Variants in FSTL5 observed in about 807,000 individuals in gnomAD.
FSTL5 encodes the protein follistatin like 5.
FSTL5 carries 62 observed loss-of-function variants against 89.1 expected under a neutral mutation model. The ratio of observed to expected loss-of-function variants is 0.70; its 90% CI spans 0.57 to 0.86. FSTL5 has a LOEUF of 0.86. Among genes scored for constraint, FSTL5 ranks in the 40% least tolerant of loss-of-function variants. The probability of loss-of-function intolerance (pLI) is 0.00; values close to 1 mark genes in which losing one functional copy is unlikely to be tolerated. For missense variants in FSTL5, 1,057 were observed against 1,001.6 expected, an observed-to-expected ratio of 1.06 and a Z score of -0.75; for synonymous variants, 383 against 346.2, an observed-to-expected ratio of 1.11 and a Z score of -1.18.
At chr4:162,137,252 T>C (rs2111471003) in intron 1 of FSTL5, among the ~76,000 whole-genome samples, 1 of 152,228 alleles carries the variant, frequency 6.6e-6, no homozygotes, top group Non-Finnish European at 1.5e-5. Context: ...GCACATTTAA[T>C]AGTTTATTAA....
intron 3 of FSTL5, among the ~76,000 whole-genome samples, chr4:161,992,861 AATATATATATATATAT>A (rs1214124720): frequency 1.6e-3 from 119 of 76,254 alleles, no homozygotes; most frequent in Middle Eastern, 0.01. Flanking sequence ...AAAAAAAAAA[AATATATATATATATAT>A]ATATATATAT....
intron 2 of FSTL5, among the ~76,000 whole-genome samples, chr4:162,084,307 T>C (rs1157887932): frequency 6.6e-6 from 1 of 151,950 alleles, no homozygotes; most frequent in African/African-American, 2.4e-5. Context: ...TATATTGCAA[T>C]TTAATTTATG....
At chr4:161,814,286 C>T (rs184904686) in intron 4 of FSTL5, among the ~76,000 whole-genome samples, 3 of 152,230 alleles carry the variant, frequency 2.0e-5, no homozygotes, top group African/African-American at 7.2e-5. Flanking sequence ...CCTTGGGTCT[C>T]AGGTCAAGTT....
intron 3 of FSTL5, among the ~76,000 whole-genome samples, chr4:161,961,322 G>A (rs1735168788): frequency 6.6e-6 from 1 of 151,914 alleles, no homozygotes; most frequent in African/African-American, 2.4e-5. Flanking sequence ...AAGTTGCCCA[G>A]GCTGGTCTCC....
chr4:161,874,141 A>C (rs1579159951), intron 4 of FSTL5, among the ~76,000 whole-genome samples: 1 of 152,078 alleles, frequency 6.6e-6, no homozygotes, highest in East Asian at 1.9e-4. Flanking sequence ...GGTGCTGTTT[A>C]ATTTAGTCTC....
rs73861080 is a variant in FSTL5, at chr4:162,111,927, G to A, written c.-16-515C>T. On this transcript the variant is annotated intron_variant, in intron 1 of 15. Transcript: ENST00000306100. ...TGAGTACAACAGAAGTTATGCAGGT[G>A]GATTATATTTAGTTATTAATGTACT... Among the ~76,000 whole-genome samples the A allele has an allele frequency of 9.8e-3, 1,496 of 152,058 alleles. 25 individuals carry two copies. Among genetic ancestry groups the A allele is most frequent in the African/African-American group, 0.032 (1,333 of 41,488 alleles).
At chr4:161,627,779 T>C (rs1316032178) in intron 7 of FSTL5, among the ~76,000 whole-genome samples, 2 of 152,088 alleles carry the variant, frequency 1.3e-5, no homozygotes, top group Non-Finnish European at 2.9e-5. Context: ...AAAGTGAAAG[T>C]TGACTAAAAT....
In FSTL5 at chr4:161,920,545, T is replaced by TA; in HGVS notation, c.267dup (p.Met90TyrfsTer15). On this transcript the variant is annotated frameshift_variant, in exon 4 of 16. Transcript: ENST00000306100. LOFTEE classifies it high-confidence loss of function. The stretch of plus-strand genomic sequence containing the variant: ...TTGTAGTGACGTTTGCAAAGGTCCA[T>TA]ACAGGCACATTCTGCTTGCCCTGTC... 2 of 1,614,070 alleles carry TA rather than the reference T, an allele frequency of 1.2e-6. No individual in the cohort carries two copies. The highest frequency in any genetic ancestry group is 1.7e-6 in the Non-Finnish European group (2 of 1,179,998).
intron 1 of FSTL5, among the ~76,000 whole-genome samples, chr4:162,120,764 A>G (rs193283578): frequency 6.6e-6 from 1 of 152,126 alleles, no homozygotes; most frequent in Non-Finnish European, 1.5e-5. Flanking sequence ...ACTACAGCAT[A>G]CCTGACTATA....
intron 6 of FSTL5, among the ~76,000 whole-genome samples, chr4:161,672,026 A>C (rs576694723): frequency 3.9e-5 from 6 of 152,300 alleles, no homozygotes; most frequent in Admixed American, 1.3e-4. Flanking sequence ...GAGTATTTAC[A>C]TTTTAATAGG....
Position 161,386,124 on chromosome 4 carries a change from T to A in FSTL5, c.2167A>T (p.Ile723Phe). The stretch of plus-strand genomic sequence containing the variant: ...AAAGCCTCCTGTATTTCTCCTCTGA[T>A]GGTAATGTACTGAACCCTTACAAGA... ...KGLVRVQYIT[I>F]RGEIQEAFDI... The change falls in exon 16 of 16, where the codon ATC (isoleucine) becomes TTC (phenylalanine). Residue 723 changes from isoleucine (I) to phenylalanine (F), a missense_variant. Coordinates refer to ENST00000306100, the MANE Select transcript of FSTL5 (RefSeq NM_020116.5). The A allele has an allele frequency of 6.2e-7, 1 of 1,614,056 alleles. No homozygotes were observed. Among genetic ancestry groups the A allele is most frequent in the East Asian group, 2.2e-5 (1 of 44,858 alleles).
intron 4 of FSTL5, among the ~76,000 whole-genome samples, chr4:161,809,027 G>T (rs1308830518): frequency 1.3e-5 from 2 of 152,108 alleles, no homozygotes; most frequent in Non-Finnish European, 2.9e-5. Context: ...GACCATCCTG[G>T]CTAACACAGT....
At chr4:161,456,239 T>C (rs1026579898) in intron 14 of FSTL5, among the ~76,000 whole-genome samples, 2 of 152,308 alleles carry the variant, frequency 1.3e-5, no homozygotes, top group Admixed American at 6.5e-5. Context: ...AGATTCATTA[T>C]AATTTTTAAG....
In FSTL5 at chr4:162,066,293, C is replaced by T. The variant is rs186935992; in HGVS notation, c.127-32635G>A. The stretch of plus-strand genomic sequence containing the variant: ...TTGGGTTCCTCCTCCTCCTCCTCCT[C>T]CTACTTTTCTTCTTCTTCTTCTTCT... On this transcript the variant is annotated intron_variant, in intron 2 of 15. Coordinates refer to ENST00000306100, the MANE Select transcript of FSTL5 (RefSeq NM_020116.5). Among the ~76,000 whole-genome samples the T allele has an allele frequency of 2.4e-3, 266 of 109,920 alleles. No homozygotes were observed. The Middle Eastern group carries it at 0.032, about 13-fold the overall frequency. The allele number at this position is 109,920 out of a possible 152,430, so 72.1% of individuals were successfully genotyped here. A position where few individuals can be genotyped will look rare whatever the true frequency, so the allele number is the denominator to read the frequency against.
intron 8 of FSTL5, among the ~76,000 whole-genome samples, chr4:161,553,582 C>T (rs1732286499): frequency 6.6e-6 from 1 of 151,032 alleles, no homozygotes. Flanking sequence ...CGAGTTGAAA[C>T]TAGCCAAGTG....
intron 3 of FSTL5, among the ~76,000 whole-genome samples, chr4:161,977,612 C>CAAA (rs796909244): frequency 7.2e-4 from 68 of 95,070 alleles, no homozygotes; most frequent in African/African-American, 1.6e-3. Flanking sequence ...GACTCCGTGT[C>CAAA]AAAAAAAAAA....
intron 7 of FSTL5, among the ~76,000 whole-genome samples, chr4:161,650,836 T>C (rs1736314825): frequency 6.6e-6 from 1 of 152,200 alleles, no homozygotes; most frequent in Non-Finnish European, 1.5e-5. Context: ...TGAGCAACTC[T>C]AGATACTACA....
intron 8 of FSTL5, chr4:161,552,624 C>T (rs1005103993): frequency 3.3e-5 from 5 of 151,616 alleles, no homozygotes; most frequent in African/African-American, 7.3e-5. Flanking sequence ...ATTTTTGTCA[C>T]ATGAAATTTT....
intron 6 of FSTL5, among the ~76,000 whole-genome samples, chr4:161,661,064 G>A (rs1736690389): frequency 6.6e-6 from 1 of 152,076 alleles, no homozygotes; most frequent in Admixed American, 6.5e-5. Context: ...AGACGGTATG[G>A]CAATTCCTCA....
Sources: gnomAD v4.1 joint callset for allele counts (sites outside exome capture counted in the v4.1 genomes callset) on GRCh38, gnomAD v4.1.1 for gene constraint, MANE v1.5 for transcripts, NCBI Gene and HGNC (gene_info 2026-07-23, HGNC 2026-07-21) for gene names.